NKAIN2: variants seen among roughly 807,000 people sequenced by gnomAD.
The protein encoded by NKAIN2 is sodium/potassium-transporting ATPase subunit beta-1-interacting protein 2.
A neutral mutation model predicts 32.6 loss-of-function variants in NKAIN2; 14 were observed. The observed-to-expected ratio is 0.43, with a 90% CI of 0.28 to 0.67. The LOEUF is 0.67. Among genes scored for constraint, NKAIN2 ranks in the 30% least tolerant of loss-of-function variants. The pLI is 0.17. For synonymous variants in NKAIN2, 80 were observed against 87.2 expected, an observed-to-expected ratio of 0.92 and a Z score of 0.46; for missense variants, 198 against 258.3, an observed-to-expected ratio of 0.77 and a Z score of 1.60.
chr6:124,153,973 T>C (rs150878995), intron 1 of NKAIN2, among the ~76,000 whole-genome samples: 1 of 150,818 alleles, frequency 6.6e-6, no homozygotes, highest in Admixed American at 6.6e-5. Context: ...ACTGAAGAAG[T>C]TCCCTTCCAT....
chr6:124,409,554 A>G (rs936227271), intron 3 of NKAIN2, among the ~76,000 whole-genome samples: 1 of 152,160 alleles, frequency 6.6e-6, no homozygotes, highest in Non-Finnish European at 1.5e-5. Flanking sequence ...CCACTTGATC[A>G]TGGTGGATAA....
chr6:124,079,645 C>T (rs991959270), intron 1 of NKAIN2, among the ~76,000 whole-genome samples: 1 of 152,076 alleles, frequency 6.6e-6, no homozygotes, highest in Non-Finnish European at 1.5e-5. Context: ...ATATGCTTTA[C>T]CGACTTTTAG....
intron 1 of NKAIN2, chr6:124,282,223 T>G: frequency 3.0e-6 from 1 of 331,950 alleles, no homozygotes. Flanking sequence ...GTCTTAATTA[T>G]AGTTGTGAAC....
chr6:124,114,888 T>C (rs1424805132), intron 1 of NKAIN2, among the ~76,000 whole-genome samples: 1 of 152,040 alleles, frequency 6.6e-6, no homozygotes, highest in African/African-American at 2.4e-5. Context: ...AATGTAAAGG[T>C]CTGGAGAATG....
At chr6:123,911,824 C>A (rs868066554) in intron 1 of NKAIN2, among the ~76,000 whole-genome samples, 2 of 68,702 alleles carry the variant, frequency 2.9e-5, no homozygotes, top group African/African-American at 9.4e-5. Flanking sequence ...CACACACACA[C>A]ACACACACAC....
At chr6:124,131,317 G>A (rs1562375785) in intron 1 of NKAIN2, among the ~76,000 whole-genome samples, 3 of 152,040 alleles carry the variant, frequency 2.0e-5, no homozygotes, top group African/African-American at 7.2e-5. Flanking sequence ...GCTATTTTTT[G>A]TATTGAGTTG....
chr6:124,096,075 G>A (rs1784634912), intron 1 of NKAIN2, among the ~76,000 whole-genome samples: 1 of 152,156 alleles, frequency 6.6e-6, no homozygotes. Context: ...TTGGTCTAAT[G>A]AAGTGAATAA....
In NKAIN2 at chr6:124,079,019, A is replaced by T. The variant is rs113349749; in HGVS notation, c.55-203986A>T. On this transcript the variant is annotated intron_variant, in intron 1 of 6. Transcript: ENST00000368417. ...CCTGTATGTGTCTTTACTAGTCATTATCAGTGGGGGCAAAGAAAATAGCCA... is the reference window on the plus strand; with the variant it reads ...CCTGTATGTGTCTTTACTAGTCATTTTCAGTGGGGGCAAAGAAAATAGCCA... 6.9e-3 allele frequency among the ~76,000 whole-genome samples: 1,047 copies of T among 152,044 alleles called. 9 individuals are homozygous for T. Among genetic ancestry groups the T allele is most frequent in the Middle Eastern group, 0.01 (3 of 294 alleles).
chr6:124,357,389 G>A (rs11154224), intron 3 of NKAIN2, among the ~76,000 whole-genome samples: 35,056 of 151,942 alleles, frequency 0.23, 4,120 homozygotes, highest in Admixed American at 0.3. Context: ...ACATTCTTCA[G>A]GTAATACAGT....
chr6:124,484,877 T>G (rs895899607), intron 3 of NKAIN2, among the ~76,000 whole-genome samples: 2 of 149,524 alleles, frequency 1.3e-5, no homozygotes, highest in African/African-American at 5.1e-5. Context: ...ATGCCTGCTA[T>G]TGAAGTTCCC....
intron 4 of NKAIN2, among the ~76,000 whole-genome samples, chr6:124,700,871 GACACACACAC>G (rs143125409): frequency 1.8e-4 from 26 of 145,474 alleles, no homozygotes; most frequent in African/African-American, 6.6e-4. Flanking sequence ...TCTCTTTCCT[GACACACACAC>G]ACACACACAC....
At chr6:124,129,384 C>G (rs1786341889) in intron 1 of NKAIN2, among the ~76,000 whole-genome samples, 1 of 152,170 alleles carries the variant, frequency 6.6e-6, no homozygotes, top group Admixed American at 6.6e-5. Context: ...CCCATCAGGA[C>G]AGATGTGCCT....
intron 1 of NKAIN2, among the ~76,000 whole-genome samples, chr6:124,187,107 G>A (rs1393633127): frequency 6.6e-6 from 1 of 152,012 alleles, no homozygotes; most frequent in Non-Finnish European, 1.5e-5. Context: ...AAAATTTTAA[G>A]GATTTATTTT....
At chr6:123,994,010 A>G (rs1400300499) in intron 1 of NKAIN2, among the ~76,000 whole-genome samples, 1 of 152,116 alleles carries the variant, frequency 6.6e-6, no homozygotes, top group African/African-American at 2.4e-5. Flanking sequence ...GATTTCAGGT[A>G]TAGAGCCAGA....
intron 4 of NKAIN2, among the ~76,000 whole-genome samples, chr6:124,674,333 G>A (rs9372785): frequency 6.6e-6 from 1 of 151,642 alleles, no homozygotes; most frequent in African/African-American, 2.4e-5. Context: ...AAGATTGTTT[G>A]GGCTGTTGGG....
At chr6:123,989,989 C>T (rs547571216) in intron 1 of NKAIN2, among the ~76,000 whole-genome samples, 48 of 152,280 alleles carry the variant, frequency 3.2e-4, no homozygotes, top group African/African-American at 1.1e-3. Flanking sequence ...ACTCACAGTT[C>T]TGCATGGCTA....
At chr6:124,532,184 C>CT (rs762896147) in intron 3 of NKAIN2, among the ~76,000 whole-genome samples, 11 of 151,776 alleles carry the variant, frequency 7.2e-5, no homozygotes, top group Non-Finnish European at 1.6e-4. Flanking sequence ...AGTGCCTACT[C>CT]TCTCGTTCTA....
chr6:124,072,330 G>C (rs937716441), intron 1 of NKAIN2, among the ~76,000 whole-genome samples: 7 of 151,900 alleles, frequency 4.6e-5, no homozygotes, highest in African/African-American at 1.7e-4. Context: ...TAGGAAATGG[G>C]GAAAGACTGA....
chr6:124,087,800 C>T (rs75403229), intron 1 of NKAIN2, among the ~76,000 whole-genome samples: 2,944 of 151,984 alleles, frequency 0.019, 86 homozygotes, highest in African/African-American at 0.064. Context: ...TTATTAGCAG[C>T]GGTAGACATG....
Sources: allele counts gnomAD v4.1 joint callset (sites outside exome capture counted in the v4.1 genomes callset), GRCh38; gene constraint gnomAD v4.1.1; transcripts MANE v1.5; gene names NCBI Gene and HGNC (gene_info 2026-07-23, HGNC 2026-07-21).